Variants in IL6R observed in about 807,000 individuals in gnomAD.
IL6R encodes the protein interleukin 6 receptor.
Under a neutral mutation model 48.3 loss-of-function variants are expected in IL6R, and 38 were observed. That is an observed-to-expected ratio of 0.79 (90% CI 0.61 to 1.03). The LOEUF (loss-of-function observed/expected upper bound fraction) is 1.03. Among genes scored for constraint, IL6R ranks in the 50% least tolerant of loss-of-function variants. IL6R has a pLI of 0.00. For synonymous variants in IL6R, 264 were observed against 256.2 expected (o/e 1.03, Z -0.29); for missense variants, 534 against 618.3 (o/e 0.86, Z 1.45).
At chr1:154,415,020 GT>G in intron 1 of IL6R, 1 of 1,525,452 alleles carries the variant, frequency 6.6e-7, no homozygotes, top group Non-Finnish European at 9.0e-7. Context: ...CTTGGTCCCT[GT>G]GGTTGGCAAG....
intron 1 of IL6R, among the ~76,000 whole-genome samples, chr1:154,408,942 G>A (rs1472340507): frequency 6.6e-6 from 1 of 152,058 alleles, no homozygotes; most frequent in Non-Finnish European, 1.5e-5. Flanking sequence ...CTCAGGAGTT[G>A]GAGACCAGCC....
chr1:154,412,357 A>G (rs1181882996), intron 1 of IL6R, among the ~76,000 whole-genome samples: 1 of 151,854 alleles, frequency 6.6e-6, no homozygotes, highest in Admixed American at 6.6e-5. Context: ...AGGTTCAAGC[A>G]ATTCTCCTGC....
intron 9 of IL6R, among the ~76,000 whole-genome samples, chr1:154,455,455 C>CT (rs201098458): frequency 0.072 from 9,201 of 128,386 alleles, 993 homozygotes; most frequent in African/African-American, 0.22. Flanking sequence ...CTTTTCTTTT[C>CT]TTTTTTTTTT....
chr1:154,434,450 C>G (rs1237644419), intron 3 of IL6R, 69 bp from the exon 4 acceptor site: 1 of 1,390,600 alleles, frequency 7.2e-7, no homozygotes, highest in African/African-American at 1.4e-5. Context: ...TTCCACTTCC[C>G]CCTTCTGTCC....
Position 154,465,442 on chromosome 1 carries a change from AAAG to A in IL6R, c.*64_*66del. 1.3e-6 allele frequency: 2 copies of A among 1,585,244 alleles called. No individual in the cohort carries two copies. Among genetic ancestry groups the A allele is most frequent in the East Asian group, 4.5e-5 (2 of 44,580 alleles). ...TGATAAAACACAAACGGGCTCAGCA[AAAG>A]ATGCTTCTCACTGCCATGCCAGCTT... On this transcript the variant is annotated 3_prime_UTR_variant, in exon 10 of 10. Coordinates refer to ENST00000368485, the MANE Select transcript of IL6R (RefSeq NM_000565.4).
At chr1:154,408,175 G>A (rs1687835808) in intron 1 of IL6R, among the ~76,000 whole-genome samples, 2 of 152,260 alleles carry the variant, frequency 1.3e-5, no homozygotes, top group African/African-American at 4.8e-5. Flanking sequence ...CCTGGGGCAT[G>A]TCCTTTTAAA....
chr1:154,441,948 A>G (rs755638536), intron 6 of IL6R, among the ~76,000 whole-genome samples: 7 of 152,194 alleles, frequency 4.6e-5, no homozygotes, highest in Non-Finnish European at 1.0e-4. Flanking sequence ...AGTTTTTGTG[A>G]GTCTGATGAA....
At chr1:154,416,572 A>G (rs1688367836) in intron 1 of IL6R, among the ~76,000 whole-genome samples, 1 of 152,130 alleles carries the variant, frequency 6.6e-6, no homozygotes, top group South Asian at 2.1e-4. Context: ...CCCGACATTC[A>G]GGTCTCACTG....
Position 154,429,401 on chromosome 1 carries a change from C to G in IL6R, c.291C>G (p.Tyr97Ter). ...QLHDSGNYSCYRAGRPAGTVH... is the reference protein window; with the variant it reads ...QLHDSGNYSC ...ACGACTCTGGAAACTATTCATGCTA[C>G]CGGGCCGGCCGCCCAGCTGGGACTG... Residue 97 changes from tyrosine to a stop codon, truncating the protein, a stop_gained, in exon 2 of 10, where the codon TAC becomes TAG. Transcript: ENST00000368485. LOFTEE classifies it high-confidence loss of function. 6.2e-7 allele frequency: 1 copy of G among 1,613,818 alleles called. No individual in the cohort carries two copies. Among genetic ancestry groups the G allele is most frequent in the Non-Finnish European group, 8.5e-7 (1 of 1,179,790 alleles).
In IL6R at chr1:154,417,359, C is replaced by A. The variant is rs555805444; in HGVS notation, c.85+11645C>A. 2.0e-5 allele frequency among the ~76,000 whole-genome samples: 3 copies of A among 152,252 alleles called. No individual in the cohort carries two copies. In the South Asian group the frequency reaches 6.2e-4, roughly 32 times the overall value. On this transcript the variant is annotated intron_variant, in intron 1 of 9. Coordinates refer to ENST00000368485, the MANE Select transcript of IL6R (RefSeq NM_000565.4). ...TTGGCCTGAGTCGTCCTTAAGAGTC[C>A]TGTATAGCCTTAAAACAGCGCTCCT... is the stretch of plus-strand genomic sequence containing the variant.
intron 6 of IL6R, among the ~76,000 whole-genome samples, chr1:154,445,901 C>T (rs780162844): frequency 6.6e-6 from 1 of 152,016 alleles, no homozygotes; most frequent in Non-Finnish European, 1.5e-5. Flanking sequence ...GCCATATTTT[C>T]TATTTAGGGC....
In IL6R at chr1:154,429,333, G is replaced by C. The variant is rs774440162; in HGVS notation, c.223G>C (p.Ala75Pro). Residue 75 changes from alanine to proline, a missense_variant, in exon 2 of 10, where the codon GCT becomes CCT. Coordinates refer to ENST00000368485, the MANE Select transcript of IL6R (RefSeq NM_000565.4). ...TGCAGGCTCCCACCCCAGCAGATGG[G>C]CTGGCATGGGAAGGAGGCTGCTGCT... Reference protein sequence around the residue: ...PAAGSHPSRWAGMGRRLLLRS... With the variant: ...PAAGSHPSRWPGMGRRLLLRS... 2.5e-6 allele frequency: 4 copies of C among 1,614,132 alleles called. No homozygotes were observed. Among genetic ancestry groups the C allele is most frequent in the Non-Finnish European group, 2.5e-6 (3 of 1,180,022 alleles).
chr1:154,455,487 T>C (rs2149269931), intron 9 of IL6R, among the ~76,000 whole-genome samples: 1 of 145,426 alleles, frequency 6.9e-6, no homozygotes, highest in East Asian at 2.1e-4. Flanking sequence ...AGAGTCTTGC[T>C]CTGTCGCCCA....
At chr1:154,446,092 C>G (rs1690212622) in intron 6 of IL6R, among the ~76,000 whole-genome samples, 1 of 152,098 alleles carries the variant, frequency 6.6e-6, no homozygotes, top group African/African-American at 2.4e-5. Flanking sequence ...TTTTAGCTTT[C>G]ATTCTAGTGC....
chr1:154,442,911 C>T (rs1690019414), intron 6 of IL6R, among the ~76,000 whole-genome samples: 1 of 151,978 alleles, frequency 6.6e-6, no homozygotes, highest in South Asian at 2.1e-4. Context: ...GGACTATAGG[C>T]ATGCATCACG....
chr1:154,420,244 T>A (rs1688579456), intron 1 of IL6R, among the ~76,000 whole-genome samples: 1 of 152,194 alleles, frequency 6.6e-6, no homozygotes, highest in African/African-American at 2.4e-5. Flanking sequence ...AGCTGAGTAT[T>A]GTTTGCTTCC....
chr1:154,434,341 T>A (rs1022705724), intron 3 of IL6R, among the ~76,000 whole-genome samples, 178 bp from the exon 4 acceptor site: 1 of 151,996 alleles, frequency 6.6e-6, no homozygotes, highest in Non-Finnish European at 1.5e-5. Flanking sequence ...ACTTAACCCC[T>A]ACTAGGTAAG....
chr1:154,429,518 G>A, intron 2 of IL6R, 74 bp downstream of exon 2: 1 of 1,498,930 alleles, frequency 6.7e-7, no homozygotes, highest in Non-Finnish European at 9.0e-7. Context: ...GACAGTCCCT[G>A]TCTGAGCCTT....
intron 6 of IL6R, among the ~76,000 whole-genome samples, chr1:154,445,610 T>C (rs1284748831): frequency 6.6e-6 from 1 of 151,210 alleles, no homozygotes; most frequent in Non-Finnish European, 1.5e-5. Context: ...ATTAGGCGGG[T>C]GTGGTGGTGG....
Sources: gnomAD v4.1 joint callset for allele counts (sites outside exome capture counted in the v4.1 genomes callset) on GRCh38, gnomAD v4.1.1 for gene constraint, MANE v1.5 for transcripts, NCBI Gene and HGNC (gene_info 2026-07-23, HGNC 2026-07-21) for gene names.